SGMS1: variants seen among roughly 807,000 people sequenced by gnomAD.
SGMS1 encodes the protein phosphatidylcholine:ceramide cholinephosphotransferase 1.
A neutral mutation model predicts 46.2 loss-of-function variants in SGMS1; 13 were observed. That is an observed-to-expected ratio of 0.28 (90% CI 0.18 to 0.45). SGMS1 has a LOEUF of 0.45. SGMS1 is among the 20% of genes least tolerant of loss of function. The pLI is 1.00. For synonymous variants in SGMS1, 203 were observed against 187.8 expected (o/e 1.08, Z -0.66); for missense variants, 324 against 519.9 (o/e 0.62, Z 3.66).
chr10:50,480,117 T>A (rs1329816407), intron 3 of SGMS1, among the ~76,000 whole-genome samples: 1 of 152,056 alleles, frequency 6.6e-6, no homozygotes, highest in Non-Finnish European at 1.5e-5. Context: ...AGGATGAACG[T>A]CTATAGTATA....
At chr10:50,542,854 G>A (rs567334221) in intron 2 of SGMS1, among the ~76,000 whole-genome samples, 289 of 140,228 alleles carry the variant, frequency 2.1e-3, no homozygotes, top group African/African-American at 7.3e-3. Flanking sequence ...GTAATGCCAA[G>A]TGCAAAAAAA....
At chr10:50,408,451 A>C (rs1354451996) in intron 6 of SGMS1, among the ~76,000 whole-genome samples, 8 of 148,472 alleles carry the variant, frequency 5.4e-5, no homozygotes, top group East Asian at 3.9e-4. Context: ...AAAAAAAAAA[A>C]AAAACAAAAT....
intron 5 of SGMS1, among the ~76,000 whole-genome samples, chr10:50,450,010 A>G (rs1330888839): frequency 3.3e-5 from 5 of 152,208 alleles, no homozygotes; most frequent in Non-Finnish European, 7.3e-5. Flanking sequence ...ATGTAAATAA[A>G]GACCTTAGAA....
intron 6 of SGMS1, among the ~76,000 whole-genome samples, chr10:50,429,631 AAAT>A (rs1849375551): frequency 6.6e-6 from 1 of 152,028 alleles, no homozygotes; most frequent in South Asian, 2.1e-4. Context: ...TAAGTGTAGA[AAAT>A]AAATTAATGA....
chr10:50,586,262 G>C (rs945436812), intron 2 of SGMS1, among the ~76,000 whole-genome samples: 16 of 152,168 alleles, frequency 1.1e-4, no homozygotes, highest in African/African-American at 3.9e-4. Context: ...TTGTTGGGTT[G>C]ATATTTGGGC....
At chr10:50,347,104 G>A (rs113380377) in intron 6 of SGMS1, among the ~76,000 whole-genome samples, 93 of 152,166 alleles carry the variant, frequency 6.1e-4, no homozygotes, top group African/African-American at 2.0e-3. Flanking sequence ...CCATAGTACC[G>A]TGCACTTTCC....
At chr10:50,406,526 C>T (rs1849017797) in intron 6 of SGMS1, among the ~76,000 whole-genome samples, 1 of 152,118 alleles carries the variant, frequency 6.6e-6, no homozygotes, top group South Asian at 2.1e-4. Context: ...CGTGTCCTCT[C>T]CAACAAGGTC....
Position 50,419,112 on chromosome 10 carries a change from G to C in SGMS1, c.-232+14364C>G, listed in dbSNP as rs893068837. Among the ~76,000 whole-genome samples the C allele has an allele frequency of 2.0e-5, 3 of 151,914 alleles. No homozygotes were observed. The East Asian group carries it at 5.8e-4, about 29-fold the overall frequency. ...ATAGGAAAAATCATAGTATATATAG[G>C]GTTCAGGACCATCGAGATTTCAGGC... On this transcript the variant is annotated intron_variant, in intron 6 of 10. Coordinates refer to ENST00000361781, the MANE Select transcript of SGMS1 (RefSeq NM_147156.4).
At chr10:50,364,210 T>A in intron 6 of SGMS1, among the ~76,000 whole-genome samples, 1 of 150,444 alleles carries the variant, frequency 6.6e-6, no homozygotes, top group African/African-American at 2.4e-5. Flanking sequence ...TTCAAGAAAA[T>A]CCAAGAAAAA....
chr10:50,319,182 T>C (rs1252618495), intron 8 of SGMS1, among the ~76,000 whole-genome samples: 1 of 137,378 alleles, frequency 7.3e-6, no homozygotes, highest in African/African-American at 2.8e-5. Flanking sequence ...AAAAAAAAAA[T>C]TGCCCTTGGC....
chr10:50,412,607 G>A (rs1273194675), intron 6 of SGMS1, among the ~76,000 whole-genome samples: 1 of 152,170 alleles, frequency 6.6e-6, no homozygotes, highest in Non-Finnish European at 1.5e-5. Context: ...GGCTGAGAGG[G>A]TATAAGAAAT....
intron 1 of SGMS1, among the ~76,000 whole-genome samples, chr10:50,594,976 C>T (rs373907934): frequency 3.3e-5 from 5 of 152,158 alleles, no homozygotes; most frequent in African/African-American, 1.2e-4. Context: ...GTTATGCAGT[C>T]ACACAGCTGA....
chr10:50,519,215 A>G (rs1837836190), intron 3 of SGMS1, among the ~76,000 whole-genome samples: 1 of 152,230 alleles, frequency 6.6e-6, no homozygotes, highest in Admixed American at 6.5e-5. Context: ...ATATACACAG[A>G]CACAGAAATA....
chr10:50,461,657 G>A (rs561617025), intron 4 of SGMS1, among the ~76,000 whole-genome samples: 2 of 152,150 alleles, frequency 1.3e-5, no homozygotes, highest in Admixed American at 6.5e-5. Flanking sequence ...CAGGACAATC[G>A]TTAACTCCTT....
At chr10:50,371,002 C>A (rs1169918349) in intron 6 of SGMS1, among the ~76,000 whole-genome samples, 1 of 152,076 alleles carries the variant, frequency 6.6e-6, no homozygotes, top group Non-Finnish European at 1.5e-5. Flanking sequence ...TACACCATAG[C>A]AAATACATAA....
At chr10:50,522,502 G>C (rs950913616) in intron 2 of SGMS1, among the ~76,000 whole-genome samples, 2 of 152,058 alleles carry the variant, frequency 1.3e-5, no homozygotes, top group East Asian at 3.9e-4. Context: ...TTTTGAATAT[G>C]AGTCACAATC....
chr10:50,382,196 T>C (rs894004595), intron 6 of SGMS1, among the ~76,000 whole-genome samples: 3 of 152,186 alleles, frequency 2.0e-5, no homozygotes, highest in Admixed American at 6.5e-5. Flanking sequence ...TGAGTTTCAG[T>C]TGGTATCAGC....
At chr10:50,328,297 G>A (rs1847561396) in intron 7 of SGMS1, among the ~76,000 whole-genome samples, 3 of 152,144 alleles carry the variant, frequency 2.0e-5, no homozygotes, top group Admixed American at 2.0e-4. Context: ...GAGTAACCCT[G>A]TGGGTCTCCT....
chr10:50,417,413 A>AAAAATAAAATAAAAT (rs140505093), intron 6 of SGMS1, among the ~76,000 whole-genome samples: 61 of 149,516 alleles, frequency 4.1e-4, no homozygotes, highest in African/African-American at 1.5e-3. Context: ...AAACAAACAC[A>AAAAATAAAATAAAAT]AAAATAAAAT....
Sources: gnomAD v4.1 joint callset for allele counts (sites outside exome capture counted in the v4.1 genomes callset) on GRCh38, gnomAD v4.1.1 for gene constraint, MANE v1.5 for transcripts, NCBI Gene and HGNC (gene_info 2026-07-23, HGNC 2026-07-21) for gene names.